Variants in STXBP4 observed in about 807,000 individuals in gnomAD.
STXBP4 encodes the protein syntaxin-binding protein 4.
STXBP4 carries 55 observed loss-of-function variants against 76.1 expected under a neutral mutation model. That is an observed-to-expected ratio of 0.72 (90% CI 0.58 to 0.91). The LOEUF (loss-of-function observed/expected upper bound fraction) is 0.91. Ranked by LOEUF, STXBP4 falls within the 40% of genes least tolerant of loss-of-function variation. The pLI is 0.00. For missense variants in STXBP4, 618 were observed against 636.9 expected, an observed-to-expected ratio of 0.97 and a Z score of 0.32; for synonymous variants, 201 against 220.2, an observed-to-expected ratio of 0.91 and a Z score of 0.77.
chr17:55,189,050 G>A, the STXBP4 span, among the ~76,000 whole-genome samples: 22 of 152,132 alleles, frequency 1.4e-4, 1 homozygote, highest in Admixed American at 1.3e-3. Context: ...TCAAGCAGAT[G>A]TGGGCACTTT....
chr17:55,030,745 A>G (rs1482937062), intron 8 of STXBP4: 2 of 153,472 alleles, frequency 1.3e-5, no homozygotes, highest in African/African-American at 4.8e-5. Context: ...AAATTAGAAG[A>G]TTTTATGTTG....
intron 16 of STXBP4, among the ~76,000 whole-genome samples, chr17:55,136,289 A>G (rs115991859): frequency 5.8e-4 from 89 of 152,180 alleles, no homozygotes; most frequent in African/African-American, 2.1e-3. Flanking sequence ...GATTTTTGGA[A>G]CTTTCTGTAT....
chr17:55,034,370 C>T (rs1409877423), intron 10 of STXBP4, 111 bp downstream of exon 10: 2 of 611,178 alleles, frequency 3.3e-6, no homozygotes, highest in Non-Finnish European at 5.2e-6. Flanking sequence ...ATACATGTTT[C>T]TTGGATAAAT....
intron 16 of STXBP4, among the ~76,000 whole-genome samples, chr17:55,112,888 T>A (rs2079736972): frequency 6.6e-6 from 1 of 151,866 alleles, no homozygotes; most frequent in Non-Finnish European, 1.5e-5. Context: ...AGAAGGGAAT[T>A]TCAAAGAAGG....
intron 7 of STXBP4, among the ~76,000 whole-genome samples, chr17:55,006,880 G>A (rs2078018124): frequency 6.6e-6 from 1 of 152,116 alleles, no homozygotes; most frequent in Non-Finnish European, 1.5e-5. Flanking sequence ...TGAACAAAAA[G>A]ACTTTTTATC....
chr17:55,211,952 G>A, the STXBP4 span, among the ~76,000 whole-genome samples: 14 of 150,514 alleles, frequency 9.3e-5, no homozygotes, highest in Admixed American at 2.6e-4. Context: ...CTGGGATTAC[G>A]GGCACATGCC....
chr17:55,043,741 C>G, intron 11 of STXBP4: 12 of 1,156,476 alleles, frequency 1.0e-5, no homozygotes, highest in Non-Finnish European at 1.5e-5. Context: ...GTTTTGCTAA[C>G]GTAATTTGGA....
rs2080382589 is a variant in STXBP4, at chr17:55,167,509, G to C, written c.*7598G>C. ...AAGGAAGTGTATGCTACTTAAGTTGGGCCATAAAACTCACAGTATGATCGC... is the reference window on the plus strand; with the variant it reads ...AAGGAAGTGTATGCTACTTAAGTTGCGCCATAAAACTCACAGTATGATCGC... On this transcript the variant is annotated 3_prime_UTR_variant, in exon 18 of 18. Transcript: ENST00000376352. 1 of 152,090 alleles carries C rather than the reference G, an allele frequency of 6.6e-6. No homozygotes were observed. Among genetic ancestry groups the C allele is most frequent in the Non-Finnish European group, 1.5e-5 (1 of 68,016 alleles). The allele number at this position is 152,090 out of a possible 1,614,324, so 9.4% of individuals were successfully genotyped here. A position where few individuals can be genotyped will look rare whatever the true frequency, so the allele number is the denominator to read the frequency against.
At chr17:55,085,819 T>C (rs2144938366) in intron 16 of STXBP4, among the ~76,000 whole-genome samples, 1 of 152,250 alleles carries the variant, frequency 6.6e-6, no homozygotes, top group Middle Eastern at 3.4e-3. Context: ...TCCCAATAAA[T>C]ATATACTTAA....
At chr17:55,016,970 G>A (rs2078219711) in intron 8 of STXBP4, among the ~76,000 whole-genome samples, 1 of 152,128 alleles carries the variant, frequency 6.6e-6, no homozygotes, top group South Asian at 2.1e-4. Flanking sequence ...GGCCGTCCGT[G>A]GGTTACTGGG....
rs554978896 is a variant in STXBP4, at chr17:55,078,345, T to C, written c.1305+151T>C. ...ATGGTCAGATTTAGAACTGCATACA[T>C]GATGAAAAGACTGGCTAACATTTTA... On this transcript the variant is annotated intron_variant, in intron 14 of 17. Coordinates refer to ENST00000376352, the MANE Select transcript of STXBP4 (RefSeq NM_178509.6). 6.7e-6 allele frequency: 4 copies of C among 595,636 alleles called. No homozygotes were observed. The Admixed American group carries it at 1.0e-4, about 15-fold the overall frequency. The allele number at this position is 595,636 out of a possible 1,614,324, so 36.9% of individuals were successfully genotyped here. A position where few individuals can be genotyped will look rare whatever the true frequency, so the allele number is the denominator to read the frequency against.
chr17:55,114,325 A>G (rs1259252639), intron 16 of STXBP4, among the ~76,000 whole-genome samples: 1 of 152,104 alleles, frequency 6.6e-6, no homozygotes, highest in Non-Finnish European at 1.5e-5. Flanking sequence ...TTAAAGTTGC[A>G]TTGCAGTATG....
intron 17 of STXBP4, among the ~76,000 whole-genome samples, chr17:55,154,489 G>A (rs1197043094): frequency 5.3e-5 from 8 of 152,142 alleles, no homozygotes; most frequent in Non-Finnish European, 1.0e-4. Flanking sequence ...TGATAATTCA[G>A]TGTATAGGTA....
intron 17 of STXBP4, among the ~76,000 whole-genome samples, chr17:55,147,459 C>T (rs974216672): frequency 6.6e-6 from 1 of 152,190 alleles, no homozygotes; most frequent in African/African-American, 2.4e-5. Flanking sequence ...TGTACCACTA[C>T]GAGTCCATGG....
chr17:54,972,792 A>G (rs914799152), intron 1 of STXBP4, among the ~76,000 whole-genome samples: 4 of 152,182 alleles, frequency 2.6e-5, no homozygotes, highest in African/African-American at 9.7e-5. Context: ...ACAAGTGTGC[A>G]TATGTGTGTT....
chr17:54,995,296 T>C lies in STXBP4; in HGVS notation c.181-4049T>C, dbSNP rs146817450. 2.6e-5 allele frequency among the ~76,000 whole-genome samples: 4 copies of C among 152,344 alleles called. No individual in the cohort carries two copies. In the East Asian group the frequency reaches 7.7e-4, roughly 29 times the overall value. On this transcript the variant is annotated intron_variant, in intron 4 of 17. Coordinates refer to ENST00000376352, the MANE Select transcript of STXBP4 (RefSeq NM_178509.6). ...GGTACTTCCTCCTTGGGCCTTTGTG[T>C]CAGATTTCCGACAACACTTTAAAGT... is the stretch of plus-strand genomic sequence containing the variant.
At chr17:55,070,595 C>T (rs1387578670) in intron 12 of STXBP4, among the ~76,000 whole-genome samples, 1 of 152,164 alleles carries the variant, frequency 6.6e-6, no homozygotes, top group Non-Finnish European at 1.5e-5. Context: ...ATTTAGCTTT[C>T]TAAAGCACTG....
At chr17:54,981,104 A>G (rs1470025841) in intron 1 of STXBP4, among the ~76,000 whole-genome samples, 1 of 152,208 alleles carries the variant, frequency 6.6e-6, no homozygotes, top group Non-Finnish European at 1.5e-5. Flanking sequence ...TTGAACAAAT[A>G]GAAAGTGATA....
chr17:55,094,156 G>A (rs1224775487), intron 16 of STXBP4, among the ~76,000 whole-genome samples: 12 of 133,158 alleles, frequency 9.0e-5, no homozygotes, highest in Admixed American at 8.3e-4. Flanking sequence ...TGACATACTT[G>A]AGGGACAGGA....
Sources: allele counts gnomAD v4.1 joint callset (sites outside exome capture counted in the v4.1 genomes callset), GRCh38; gene constraint gnomAD v4.1.1; transcripts MANE v1.5; gene names NCBI Gene and HGNC (gene_info 2026-07-23, HGNC 2026-07-21).